Variants in ADGRB1 observed in about 807,000 individuals in gnomAD.
The protein encoded by ADGRB1 is adhesion G protein-coupled receptor B1.
ADGRB1 carries 36 observed loss-of-function variants against 175.7 expected under a neutral mutation model. The ratio of observed to expected loss-of-function variants is 0.20; its 90% CI spans 0.16 to 0.27. ADGRB1 has a LOEUF of 0.27. ADGRB1 is among the 10% of genes least tolerant of loss of function. ADGRB1 has a pLI of 1.00. For synonymous variants in ADGRB1, 1,054 were observed against 979.4 expected (o/e 1.08, Z -1.42); for missense variants, 1,731 against 2,255.3 (o/e 0.77, Z 4.71).
At chr8:142,524,743 G>A (rs56050908) in intron 23 of ADGRB1, among the ~76,000 whole-genome samples, 53,407 of 152,002 alleles carry the variant, frequency 0.35, 11,712 homozygotes, top group African/African-American at 0.63. Context: ...CGGGGGCCCC[G>A]GTGAGGACCT....
In ADGRB1 at chr8:142,476,682, A is replaced by G; in HGVS notation, c.1044A>G (p.Pro348=). 6.5e-7 allele frequency: 1 copy of G among 1,546,702 alleles called. No individual in the cohort carries two copies. The highest frequency in any genetic ancestry group is 1.2e-5 in the South Asian group (1 of 83,904). Residue 348 remains proline, a synonymous_variant, in exon 4 of 31, where the codon CCA becomes CCG. Coordinates refer to ENST00000517894, the MANE Select transcript of ADGRB1 (RefSeq NM_001702.3). ...LGDELQQFGF[P]APQTGDPAAE... Reference sequence around the variant, plus strand: ...ACGAGCTGCAGCAGTTTGGGTTCCCAGCCCCCCAGACCGGTGAGCTGGCGG... The same window carrying G: ...ACGAGCTGCAGCAGTTTGGGTTCCCGGCCCCCCAGACCGGTGAGCTGGCGG...
Position 142,455,020 on chromosome 8 carries a change from C to T in ADGRB1, c.-220+4916C>T, listed in dbSNP as rs1563671791. ...AACACAAACATGCACACACCCACCC[C>T]TTCTGTCCCCTGTCCTGCTCATCGC... On this transcript the variant is annotated intron_variant, in intron 1 of 30. Transcript: ENST00000517894. This position sits in a 1 kb window ranked among gnomAD's most constrained non-coding sequence, Gnocchi z 4.9. Among the ~76,000 whole-genome samples, 1 of 151,966 alleles carries T rather than the reference C, an allele frequency of 6.6e-6. No homozygotes were observed.
intron 25 of ADGRB1, among the ~76,000 whole-genome samples, chr8:142,536,005 G>A (rs1450863355): frequency 6.6e-6 from 1 of 152,156 alleles, no homozygotes; most frequent in Non-Finnish European, 1.5e-5. Flanking sequence ...CCATCTGCCT[G>A]ATGAGAGGGG....
chr8:142,539,489 C>G (rs1845137353), intron 27 of ADGRB1, 76 bp downstream of exon 27: 3 of 1,528,694 alleles, frequency 2.0e-6, no homozygotes, highest in Non-Finnish European at 1.8e-6. Flanking sequence ...CCGCCTGTGC[C>G]TCCCCCACAT....
chr8:142,469,416 AGTGT>A (rs745956635), intron 2 of ADGRB1, among the ~76,000 whole-genome samples: 1 of 118,732 alleles, frequency 8.4e-6, no homozygotes, highest in Non-Finnish European at 1.7e-5. Context: ...TGTGAATGTG[AGTGT>A]GTGCACGTGT....
In ADGRB1 at chr8:142,475,503, G is replaced by C. The variant is rs1840911325; in HGVS notation, c.814G>C (p.Glu272Gln). The change falls in exon 3 of 31, where the codon GAA (glutamate) becomes CAA (glutamine). Residue 272 changes from glutamate to glutamine, a missense_variant. Glu to Gln is a conservative substitution (Grantham distance 29). Coordinates refer to ENST00000517894, the MANE Select transcript of ADGRB1 (RefSeq NM_001702.3). ...CTGGAAGCTGTGGTCCCTGTGGGGCGAATGCACGCGGGACTGCGGGGGAGG... is the reference window on the plus strand; with the variant it reads ...CTGGAAGCTGTGGTCCCTGTGGGGCCAATGCACGCGGGACTGCGGGGGAGG... The part of the protein sequence containing the change: ...GGWKLWSLWG[E>Q]CTRDCGGGLQ... The C allele has an allele frequency of 7.7e-7, 1 of 1,295,258 alleles. No homozygotes were observed. The highest frequency in any genetic ancestry group is 1.5e-5 in the African/African-American group (1 of 66,312). The allele number at this position is 1,295,258 out of a possible 1,614,324, so 80.2% of individuals were successfully genotyped here.
chr8:142,490,772 G>T lies in ADGRB1; in HGVS notation c.2632G>T (p.Gly878Cys). Reference sequence around the variant, plus strand: ...CTGACTCCTCTCCCCTCTCTCCCAGGGCACCACCAACCAGACCTGTATCCT... The same window carrying T: ...CTGACTCCTCTCCCCTCTCTCCCAGTGCACCACCAACCAGACCTGTATCCT... Reference protein sequence around the residue: ...LEIEFAHMYNGTTNQTCILWD... With the variant: ...LEIEFAHMYNCTTNQTCILWD... Residue 878 changes from glycine (G) to cysteine (C), a missense_variant and splice_region_variant, in exon 17 of 31, where the codon GGC becomes TGC. Transcript: ENST00000517894. 6.3e-7 allele frequency: 1 copy of T among 1,580,044 alleles called. No homozygotes were observed. Among genetic ancestry groups the T allele is most frequent in the East Asian group, 2.3e-5 (1 of 43,200 alleles).
rs1224390350 is a variant in ADGRB1, at chr8:142,520,854, A to C, written c.2953A>C (p.Ile985Leu). Reference protein sequence around the residue: ...YIRSERSVILINFCLSIISSN... With the variant: ...YIRSERSVILLNFCLSIISSN... ...TCGCTCAGAGCGTTCTGTCATCCTC[A>C]TCAACTTCTGCCTGTCCATCATCTC... The change falls in exon 20 of 31, where the codon ATC becomes CTC. Residue 985 changes from isoleucine (I) to leucine (L), a missense_variant. By Grantham distance (5) the Ile-to-Leu change is conservative (BLOSUM62 2). This residue lies in a region of ADGRB1 where 301 missense variants were observed against 488.4 expected (regional missense o/e 0.62). Coordinates refer to ENST00000517894, the MANE Select transcript of ADGRB1 (RefSeq NM_001702.3). 6.2e-7 allele frequency: 1 copy of C among 1,613,540 alleles called. No homozygotes were observed. Among genetic ancestry groups the C allele is most frequent in the Non-Finnish European group, 8.5e-7 (1 of 1,179,732 alleles).
chr8:142,538,709 T>A (rs1665914525), intron 26 of ADGRB1, among the ~76,000 whole-genome samples: 1 of 152,192 alleles, frequency 6.6e-6, no homozygotes, highest in South Asian at 2.1e-4. Flanking sequence ...CCTCCCCAGC[T>A]GACTGTCAGC....
chr8:142,470,255 G>A (rs896432922), intron 2 of ADGRB1, among the ~76,000 whole-genome samples: 2 of 151,962 alleles, frequency 1.3e-5, no homozygotes, highest in Non-Finnish European at 2.9e-5. Flanking sequence ...GCATTTTTCC[G>A]CCTAGGGTGA....
intron 25 of ADGRB1, among the ~76,000 whole-genome samples, chr8:142,536,701 TCTGGCCCGAGGGCCTGCAGCAG>T (rs1241087527): frequency 6.7e-6 from 1 of 149,794 alleles, no homozygotes; most frequent in Non-Finnish European, 1.5e-5. Flanking sequence ...GCAGGCGGAC[TCTGGCCCGAGGGCCTGCAGCAG>T]CTCTCGGTGG....
intron 18 of ADGRB1, among the ~76,000 whole-genome samples, chr8:142,513,681 C>T (rs929914172): frequency 1.3e-5 from 2 of 152,160 alleles, no homozygotes; most frequent in African/African-American, 4.8e-5. Context: ...CAGCCTTCTC[C>T]CCTCCTGAGT....
rs1376833733 is a variant in ADGRB1, at chr8:142,499,048, T to C, written c.2675+8233T>C. Among the ~76,000 whole-genome samples the C allele has an allele frequency of 2.0e-5, 3 of 152,194 alleles. No homozygotes were observed. The East Asian group carries it at 5.8e-4, about 29-fold the overall frequency. ...TGCTCACCCCTTTCCTGGTGGGCAG[T>C]GCTATCCATCCCCCACCAACCCCAG... is the stretch of plus-strand genomic sequence containing the variant. On this transcript the variant is annotated intron_variant, in intron 17 of 30. Coordinates refer to ENST00000517894, the MANE Select transcript of ADGRB1 (RefSeq NM_001702.3).
chr8:142,543,327 C>T lies in ADGRB1; in HGVS notation c.4414-76C>T. On this transcript the variant is annotated intron_variant, in intron 28 of 30. Transcript: ENST00000517894. The surrounding 1 kb of genome is among the most constrained non-coding windows in gnomAD (Gnocchi z 4.4). ...ATGGGGCGAGTGAGTCCCTGATGCC[C>T]TCAGTCTGAGGCAGGGAGAGGCGTG... is the stretch of plus-strand genomic sequence containing the variant. 8.2e-6 allele frequency: 13 copies of T among 1,583,280 alleles called. 1 individual carries two copies. The South Asian group carries it at 1.4e-4, about 17-fold the overall frequency.
rs1434640645 is a variant in ADGRB1, at chr8:142,504,317, C to T, written c.2676-6615C>T. Among the ~76,000 whole-genome samples the T allele has an allele frequency of 2.0e-5, 3 of 152,164 alleles. No individual in the cohort carries two copies. Among genetic ancestry groups the T allele is most frequent in the Admixed American group, 6.5e-5 (1 of 15,286 alleles). ...GAGGCTAATCACACAGGATGCGGGGCCTGTGGCCAGGGGACCAGCCAGGAC... is the reference window on the plus strand; with the variant it reads ...GAGGCTAATCACACAGGATGCGGGGTCTGTGGCCAGGGGACCAGCCAGGAC... On this transcript the variant is annotated intron_variant, in intron 17 of 30. Coordinates refer to ENST00000517894, the MANE Select transcript of ADGRB1 (RefSeq NM_001702.3). The surrounding 1 kb of genome is among the most constrained non-coding windows in gnomAD (Gnocchi z 5.6).
chr8:142,464,024 G>C lies in ADGRB1; in HGVS notation c.-175G>C, dbSNP rs949600722. The C allele has an allele frequency of 8.5e-5, 43 of 505,474 alleles. 1 individual carries two copies. The highest frequency in any genetic ancestry group is 1.0e-4 in the Non-Finnish European group (34 of 333,040). The allele number at this position is 505,474 out of a possible 1,614,324, so 31.3% of individuals were successfully genotyped here. A position where few individuals can be genotyped will look rare whatever the true frequency, so the allele number is the denominator to read the frequency against. On this transcript the variant is annotated 5_prime_UTR_variant, in exon 2 of 31. Coordinates refer to ENST00000517894, the MANE Select transcript of ADGRB1 (RefSeq NM_001702.3). ...GCTGGCACCAGGGCCCTGGACTTTA[G>C]AAGCCGTTGCTGCCCTCTCTGTCAC...
At chr8:142,539,152 G>A (rs13276323) in intron 26 of ADGRB1, among the ~76,000 whole-genome samples, 24,449 of 152,076 alleles carry the variant, frequency 0.16, 2,425 homozygotes, top group East Asian at 0.31. Flanking sequence ...AAACACGCAC[G>A]CATACACTCA....
chr8:142,519,570 ATGGTGGTGG>A, intron 19 of ADGRB1, among the ~76,000 whole-genome samples: 1 of 137,476 alleles, frequency 7.3e-6, no homozygotes, highest in Admixed American at 7.1e-5. Flanking sequence ...GGTGATAGTG[ATGGTGGTGG>A]TGGTGGTGAT....
intron 2 of ADGRB1, among the ~76,000 whole-genome samples, chr8:142,471,543 C>A (rs1454978145): frequency 1.3e-5 from 2 of 152,234 alleles, no homozygotes; most frequent in African/African-American, 4.8e-5. Context: ...CAAGACTCGG[C>A]CAGCTCAGGG....
Sources: gnomAD v4.1 joint callset for allele counts (sites outside exome capture counted in the v4.1 genomes callset) on GRCh38, gnomAD v4.1.1 for gene constraint, gnomAD v4.1.1 regional missense constraint, Gnocchi (gnomAD v3.1) non-coding constraint, MANE v1.5 for transcripts, NCBI Gene and HGNC (gene_info 2026-07-23, HGNC 2026-07-21) for gene names.